Variants in HPSE2 observed in about 807,000 individuals in gnomAD.
HPSE2 encodes inactive heparanase-2.
Under a neutral mutation model 60.5 loss-of-function variants are expected in HPSE2, and 38 were observed. That is an observed-to-expected ratio of 0.63 (90% CI 0.48 to 0.82). HPSE2 has a LOEUF of 0.82. Among genes scored for constraint, HPSE2 ranks in the 40% least tolerant of loss-of-function variants. The pLI, the probability that HPSE2 is intolerant of heterozygous loss-of-function variation, is 0.00. For missense variants in HPSE2, 713 were observed against 740.4 expected (o/e 0.96, Z 0.43); for synonymous variants, 295 against 293.2 (o/e 1.01, Z -0.06).
rs180796934 is a variant in HPSE2 at position 98,762,829 on chromosome 10, A to T, written c.611-18773T>A. Among the ~76,000 whole-genome samples, 165 of 152,302 alleles carry T rather than the reference A, an allele frequency of 1.1e-3. 3 individuals are homozygous for T. Among genetic ancestry groups the T allele is most frequent in the African/African-American group, 3.7e-3 (153 of 41,580 alleles). On this transcript the variant is annotated intron_variant, in intron 3 of 11. Transcript: ENST00000370552. ...AACAAAACAAAAAGAAAATCTGACC[A>T]ATTCTCAAGAGAAAAGACAATCAGC...
intron 5 of HPSE2, among the ~76,000 whole-genome samples, chr10:98,712,863 G>C (rs1414231090): frequency 6.6e-6 from 1 of 152,086 alleles, no homozygotes; most frequent in Non-Finnish European, 1.5e-5. Context: ...ACAAACTGGA[G>C]TACCTATTAT....
At chr10:98,734,101 T>C (rs1014673833) in intron 4 of HPSE2, among the ~76,000 whole-genome samples, 1 of 152,236 alleles carries the variant, frequency 6.6e-6, no homozygotes, top group African/African-American at 2.4e-5. Flanking sequence ...TAAGGGGAAT[T>C]ATACAATGTG....
chr10:98,705,407 T>C (rs189040508), intron 5 of HPSE2, among the ~76,000 whole-genome samples: 2 of 152,338 alleles, frequency 1.3e-5, no homozygotes, highest in East Asian at 1.9e-4. Context: ...CATTACTGGG[T>C]ACGCACCCAA....
chr10:99,305,953 TCA>T, the HPSE2 span, among the ~76,000 whole-genome samples: 782 of 24,790 alleles, frequency 0.032, 6 homozygotes, highest in East Asian at 0.15. Flanking sequence ...ATATCCAAAC[TCA>T]CACACACGCG....
chr10:99,308,545 T>C, the HPSE2 span, among the ~76,000 whole-genome samples: 1 of 152,054 alleles, frequency 6.6e-6, no homozygotes, highest in Non-Finnish European at 1.5e-5. Flanking sequence ...TCGTTAACCC[T>C]TTTTCTGTTT....
At chr10:98,591,740 C>T (rs1945097682) in intron 9 of HPSE2, among the ~76,000 whole-genome samples, 1 of 152,124 alleles carries the variant, frequency 6.6e-6, no homozygotes, top group Admixed American at 6.5e-5. Context: ...TTCTTTAACC[C>T]TTTTTTCTAG....
At chr10:98,775,231 G>A (rs145762589) in intron 3 of HPSE2, among the ~76,000 whole-genome samples, 3 of 152,184 alleles carry the variant, frequency 2.0e-5, no homozygotes, top group African/African-American at 7.2e-5. Flanking sequence ...AAACACACAT[G>A]TGCACATGCA....
At chr10:98,984,840 G>A (rs556884244) in intron 3 of HPSE2, among the ~76,000 whole-genome samples, 9 of 152,336 alleles carry the variant, frequency 5.9e-5, no homozygotes, top group Admixed American at 3.9e-4. Flanking sequence ...ACTACGTGAC[G>A]AATGCACAAG....
chr10:98,680,744 G>A (rs1006521594), intron 6 of HPSE2, among the ~76,000 whole-genome samples: 3 of 152,014 alleles, frequency 2.0e-5, no homozygotes, highest in Admixed American at 2.0e-4. Context: ...GCTGCAAACT[G>A]AATTGGTCAT....
chr10:99,275,414 T>TA, the HPSE2 span, among the ~76,000 whole-genome samples: 3 of 152,136 alleles, frequency 2.0e-5, no homozygotes, highest in Non-Finnish European at 4.4e-5. Flanking sequence ...AGTGACCACA[T>TA]AATGTATTAT....
chr10:98,832,957 T>C (rs1383595562), intron 3 of HPSE2, among the ~76,000 whole-genome samples: 1 of 152,192 alleles, frequency 6.6e-6, no homozygotes, highest in East Asian at 1.9e-4. Flanking sequence ...TTTATATGGC[T>C]AAGCGAGCAG....
chr10:98,826,472 G>T (rs1951550192), intron 3 of HPSE2, among the ~76,000 whole-genome samples: 1 of 152,174 alleles, frequency 6.6e-6, no homozygotes, highest in Non-Finnish European at 1.5e-5. Flanking sequence ...TATTTTCATA[G>T]AAAGGTTGGG....
At chr10:98,497,093 G>T (rs1941868648) in intron 9 of HPSE2, among the ~76,000 whole-genome samples, 2 of 151,878 alleles carry the variant, frequency 1.3e-5, no homozygotes, top group African/African-American at 2.4e-5. Context: ...TATTTTTTAA[G>T]TAGTCTAGTA....
At chr10:98,558,227 G>A (rs534796066) in intron 9 of HPSE2, among the ~76,000 whole-genome samples, 1 of 152,206 alleles carries the variant, frequency 6.6e-6, no homozygotes, top group African/African-American at 2.4e-5. Flanking sequence ...AAAGCCAAAT[G>A]TAAACATGTT....
intron 6 of HPSE2, among the ~76,000 whole-genome samples, chr10:98,656,087 T>TG (rs1947054735): frequency 6.6e-6 from 1 of 152,002 alleles, no homozygotes; most frequent in South Asian, 2.1e-4. Flanking sequence ...TTTGAGTTTT[T>TG]TTTTTTTTTT....
At chr10:98,965,209 C>A (rs925033114) in intron 3 of HPSE2, among the ~76,000 whole-genome samples, 1 of 152,072 alleles carries the variant, frequency 6.6e-6, no homozygotes, top group Non-Finnish European at 1.5e-5. Flanking sequence ...AATAAAGTTC[C>A]AATTTCACAT....
chr10:98,682,964 T>A (rs1266987767), intron 6 of HPSE2, among the ~76,000 whole-genome samples: 1 of 152,126 alleles, frequency 6.6e-6, no homozygotes, highest in Admixed American at 6.5e-5. Flanking sequence ...ACCTAGAGGA[T>A]TATGTGAAAG....
chr10:99,105,647 A>G (rs1444635806), intron 3 of HPSE2, among the ~76,000 whole-genome samples: 1 of 151,220 alleles, frequency 6.6e-6, no homozygotes, highest in Non-Finnish European at 1.5e-5. Flanking sequence ...TAAATTTATC[A>G]TTTTTCTCAT....
intron 3 of HPSE2, among the ~76,000 whole-genome samples, chr10:98,769,248 T>C (rs977706755): frequency 3.3e-5 from 5 of 152,170 alleles, no homozygotes; most frequent in Non-Finnish European, 7.3e-5. Flanking sequence ...TCCATGGTTT[T>C]CCAGAACATG....
Sources: allele counts gnomAD v4.1 joint callset (sites outside exome capture counted in the v4.1 genomes callset), GRCh38; gene constraint gnomAD v4.1.1; transcripts MANE v1.5; gene names NCBI Gene and HGNC (gene_info 2026-07-23, HGNC 2026-07-21).